Variants in SIAE observed in about 807,000 individuals in gnomAD.
SIAE encodes the protein sialic acid acetylesterase, also known as sialate O-acetylesterase.
Under a neutral mutation model 52.6 loss-of-function variants are expected in SIAE, and 39 were observed. That is an observed-to-expected ratio of 0.74 (90% CI 0.57 to 0.97). The LOEUF is 0.97. SIAE is among the 50% of genes least tolerant of loss of function. The pLI, the probability that SIAE is intolerant of heterozygous loss-of-function variation, is 0.00. For synonymous variants in SIAE, 233 were observed against 241.4 expected (o/e 0.97, Z 0.32); for missense variants, 592 against 662.1 (o/e 0.89, Z 1.16).
Position 124,637,101 on chromosome 11 carries a change from A to G in SIAE, c.1422T>C (p.Thr474=). ...LTLAIDSCHG[T]VVALRYAWTT... ...TCCAAGCATAGCGGAGAGCAACCAC[A>G]GTGCCATGACAAGAATCGATCGCCA... Residue 474 remains threonine (T), a synonymous_variant, in exon 10 of 10, where the codon ACT becomes ACC. Coordinates refer to ENST00000263593, the MANE Select transcript of SIAE (RefSeq NM_170601.5). 1 of 1,614,190 alleles carries G rather than the reference A, an allele frequency of 6.2e-7. No homozygotes were observed. Among genetic ancestry groups the G allele is most frequent in the South Asian group, 1.1e-5 (1 of 91,078 alleles).
rs1324013908 is a variant in SIAE, at chr11:124,637,012, G to A, written c.1511C>T (p.Pro504Leu). 1 of 1,614,208 alleles carries A rather than the reference G, an allele frequency of 6.2e-7. No individual in the cohort carries two copies. Among genetic ancestry groups the A allele is most frequent in the Middle Eastern group, 1.6e-4 (1 of 6,062 alleles). Residue 504 changes from proline to leucine, a missense_variant, in exon 10 of 10, where the codon CCT becomes CTT. Physicochemically the swap from Pro to Leu is moderately conservative, Grantham distance 98 (BLOSUM62 -3). Coordinates refer to ENST00000263593, the MANE Select transcript of SIAE (RefSeq NM_170601.5). ...LYHPSSALPA[P>L]PFIAFITDQG... ...GTCTGTAATGAAAGCAATGAAGGGA[G>A]GGGCTGGCAGGGCACTACTGGGGTG... is the stretch of plus-strand genomic sequence containing the variant.
At position 124,637,037 on chromosome 11, in the gene SIAE, G is replaced by A. The variant is rs1450678409; in HGVS notation, c.1486C>T (p.His496Tyr). ...GGGGCTGGCAGGGCACTACTGGGGT[G>A]GTATAGGGGACACTGCTTATATTCA... ...PCEYKQCPLYHPSSALPAPPF... is the reference protein window; with the variant it reads ...PCEYKQCPLYYPSSALPAPPF... The change falls in exon 10 of 10, where the codon CAC (histidine) becomes TAC (tyrosine). Residue 496 changes from histidine to tyrosine, a missense_variant. By Grantham distance (83) the His-to-Tyr change is moderately conservative. Coordinates refer to ENST00000263593, the MANE Select transcript of SIAE (RefSeq NM_170601.5). 1.9e-6 allele frequency: 3 copies of A among 1,614,164 alleles called. No homozygotes were observed. Among genetic ancestry groups the A allele is most frequent in the Non-Finnish European group, 2.5e-6 (3 of 1,180,034 alleles).
intron 6 of SIAE, among the ~76,000 whole-genome samples, chr11:124,647,721 G>A (rs1591387052): frequency 6.6e-6 from 1 of 152,224 alleles, no homozygotes; most frequent in East Asian, 1.9e-4. Context: ...CTGGAATCCT[G>A]AGACTATTAT....
intron 2 of SIAE, among the ~76,000 whole-genome samples, chr11:124,663,584 T>C (rs1485313486): frequency 6.6e-6 from 1 of 151,792 alleles, no homozygotes; most frequent in Non-Finnish European, 1.5e-5. Flanking sequence ...AAAAATAAAA[T>C]AAAATAAAAT....
chr11:124,643,046 C>T (rs769043907), intron 7 of SIAE, among the ~76,000 whole-genome samples: 17 of 152,172 alleles, frequency 1.1e-4, no homozygotes, highest in East Asian at 1.9e-4. Flanking sequence ...AAGCCATGCA[C>T]GCCCAGACTT....
In SIAE at chr11:124,670,552, C is replaced by G. The variant is rs368244288; in HGVS notation, c.68-1031G>C. ...TTAACAAAATTTAGATCTTTTTAAG[C>G]ATTTTAAACAAAAATGATAGGCAGA... On this transcript the variant is annotated intron_variant, in intron 1 of 9. Transcript: ENST00000263593. The surrounding 1 kb of genome is among the most constrained non-coding windows in gnomAD (Gnocchi z 4.5). Among the ~76,000 whole-genome samples, 1 of 152,128 alleles carries G rather than the reference C, an allele frequency of 6.6e-6. No individual in the cohort carries two copies. Among genetic ancestry groups the G allele is most frequent in the Non-Finnish European group, 1.5e-5 (1 of 68,014 alleles).
chr11:124,668,075 C>T (rs1457854163), intron 2 of SIAE, among the ~76,000 whole-genome samples: 1 of 152,166 alleles, frequency 6.6e-6, no homozygotes, highest in Non-Finnish European at 1.5e-5. Flanking sequence ...ATAAAACATA[C>T]ACTCCTTAGC....
At chr11:124,673,811 GC>G, upstream of SIAE, 1 of 1,336,804 alleles carries the variant, frequency 7.5e-7, no homozygotes, top group Non-Finnish European at 1.0e-6. Flanking sequence ...TGCAGTCCTC[GC>G]AGCCTCCCGC....
intron 7 of SIAE, among the ~76,000 whole-genome samples, chr11:124,643,588 C>T (rs369761225): frequency 5.3e-5 from 8 of 152,232 alleles, no homozygotes; most frequent in Non-Finnish European, 8.8e-5. Flanking sequence ...TTCATCTAAA[C>T]GGAAAGTTGA....
chr11:124,647,600 C>T, intron 6 of SIAE, 102 bp from the exon 7 acceptor site: 1 of 1,405,088 alleles, frequency 7.1e-7, no homozygotes, highest in East Asian at 2.4e-5. Context: ...GTGGTCTTCC[C>T]ACGGTCTCTC....
Position 124,635,522 on chromosome 11 carries a change from T to C in SIAE, c.*1429A>G, listed in dbSNP as rs750984735. The C allele has an allele frequency of 1.8e-4, 28 of 152,302 alleles. No individual in the cohort carries two copies. The highest frequency in any genetic ancestry group is 3.2e-4 in the Non-Finnish European group (22 of 68,028). 9.4% of individuals were successfully genotyped at this position (152,302 alleles called of 1,614,324 possible). On this transcript the variant is annotated 3_prime_UTR_variant, in exon 10 of 10. Coordinates refer to ENST00000263593, the MANE Select transcript of SIAE (RefSeq NM_170601.5). ...TCATTTTCACACAGTAAAAAGTTCC[T>C]AAATTGGGGGAAACATAGTGAATTC...
At chr11:124,667,714 C>T (rs1408365449) in intron 2 of SIAE, among the ~76,000 whole-genome samples, 1 of 152,208 alleles carries the variant, frequency 6.6e-6, no homozygotes, top group Non-Finnish European at 1.5e-5. Flanking sequence ...CCACATCACA[C>T]AGCTATAGCG....
chr11:124,633,539 T>C lies in SIAE; in HGVS notation c.*3412A>G, dbSNP rs1289364986. On this transcript the variant is annotated 3_prime_UTR_variant, in exon 10 of 10. Coordinates refer to ENST00000263593, the MANE Select transcript of SIAE (RefSeq NM_170601.5). Reference sequence around the variant, plus strand: ...CAACACAAATGGGATTGGTACTTTATAGTAATAAATCTGACCAGCAGAGGG... The same window carrying C: ...CAACACAAATGGGATTGGTACTTTACAGTAATAAATCTGACCAGCAGAGGG... 2.6e-5 allele frequency: 4 copies of C among 152,210 alleles called. No homozygotes were observed. Among genetic ancestry groups the C allele is most frequent in the Non-Finnish European group, 5.9e-5 (4 of 68,050 alleles). 9.4% of individuals were successfully genotyped at this position (152,210 alleles called of 1,614,324 possible). A position where few individuals can be genotyped will look rare whatever the true frequency, so the allele number is the denominator to read the frequency against.
intron 7 of SIAE, among the ~76,000 whole-genome samples, 198 bp from the exon 8 acceptor site, chr11:124,640,065 C>G (rs1288035704): frequency 6.6e-6 from 1 of 152,218 alleles, no homozygotes; most frequent in African/African-American, 2.4e-5. Context: ...TGCCCTCTTG[C>G]AGTGCAACTT....
intron 7 of SIAE, among the ~76,000 whole-genome samples, chr11:124,640,741 C>T (rs539464334): frequency 1.3e-5 from 2 of 152,342 alleles, no homozygotes; most frequent in South Asian, 2.1e-4. Context: ...TGATTCTAAG[C>T]TCAGCCATGT....
At chr11:124,668,449 C>G (rs757757473) in intron 2 of SIAE, among the ~76,000 whole-genome samples, 3 of 152,204 alleles carry the variant, frequency 2.0e-5, no homozygotes, top group Admixed American at 6.5e-5. Flanking sequence ...TCACCAGTAC[C>G]TAGCACAGTA....
At chr11:124,656,934 C>A (rs1288182486) in intron 3 of SIAE, among the ~76,000 whole-genome samples, 1 of 152,172 alleles carries the variant, frequency 6.6e-6, no homozygotes, top group Non-Finnish European at 1.5e-5. Flanking sequence ...TTTCCACCCC[C>A]ACCCACCCAC....
At chr11:124,639,909 C>T (rs1355207631) in intron 7 of SIAE, 42 bp from the exon 8 acceptor site, 2 of 1,608,584 alleles carry the variant, frequency 1.2e-6, no homozygotes, top group East Asian at 4.5e-5. Context: ...TATCAGAATC[C>T]CACACTGGAG....
In SIAE at chr11:124,660,866, T is replaced by C. The variant is rs1591393396; in HGVS notation, c.230-63A>G. The C allele has an allele frequency of 3.2e-6, 5 of 1,578,020 alleles. No homozygotes were observed. The East Asian group carries it at 1.1e-4, about 35-fold the overall frequency. ...AATTAAAGTGAAATCAAAGCCCAAT[T>C]ATACTCATTTGTGGCTATTCCCAGC... is the stretch of plus-strand genomic sequence containing the variant. On this transcript the variant is annotated intron_variant, in intron 2 of 9. Coordinates refer to ENST00000263593, the MANE Select transcript of SIAE (RefSeq NM_170601.5).
Sources: gnomAD v4.1 joint callset for allele counts (sites outside exome capture counted in the v4.1 genomes callset) on GRCh38, gnomAD v4.1.1 for gene constraint, Gnocchi (gnomAD v3.1) non-coding constraint, MANE v1.5 for transcripts, NCBI Gene and HGNC (gene_info 2026-07-23, HGNC 2026-07-21) for gene names.